The following PDE1C variants were observed in gnomAD, a reference collection of about 807,000 sequenced individuals.
PDE1C encodes dual specificity calcium/calmodulin-dependent 3',5'-cyclic nucleotide phosphodiesterase 1C.
Under a neutral mutation model 93.1 loss-of-function variants are expected in PDE1C, and 62 were observed. The ratio of observed to expected loss-of-function variants is 0.67; its 90% CI spans 0.54 to 0.82. The LOEUF (loss-of-function observed/expected upper bound fraction) is 0.82, where lower values mean the gene tolerates loss of function less well. PDE1C is among the 40% of genes least tolerant of loss of function. The pLI, the probability that PDE1C is intolerant of heterozygous loss-of-function variation, is 0.00. For missense variants in PDE1C, 742 were observed against 884.6 expected (o/e 0.84, Z 2.04); for synonymous variants, 325 against 310.1 (o/e 1.05, Z -0.50).
At chr7:31,697,294 C>A in the PDE1C span, among the ~76,000 whole-genome samples, 1 of 152,140 alleles carries the variant, frequency 6.6e-6, no homozygotes, top group Non-Finnish European at 1.5e-5. Context: ...CTACTAGTAG[C>A]TCCCCAGGGG....
At chr7:31,762,591 C>T (rs1281758019) in intron 17 of PDE1C, among the ~76,000 whole-genome samples, 5 of 152,124 alleles carry the variant, frequency 3.3e-5, no homozygotes, top group East Asian at 3.9e-4. Context: ...CTGCCCATCT[C>T]GGCCTCCCAA....
intron 17 of PDE1C, among the ~76,000 whole-genome samples, chr7:31,769,691 A>T (rs1443101533): frequency 6.6e-6 from 1 of 152,146 alleles, no homozygotes; most frequent in Non-Finnish European, 1.5e-5. Context: ...CACAACCATC[A>T]CCACTGTTTA....
At chr7:32,204,288 C>T (rs1027084780) in intron 2 of PDE1C, among the ~76,000 whole-genome samples, 6 of 152,214 alleles carry the variant, frequency 3.9e-5, no homozygotes, top group Admixed American at 3.9e-4. Flanking sequence ...CATTTCATAT[C>T]TTCAGACCGC....
At chr7:32,166,355 A>G (rs796566580) in intron 3 of PDE1C, among the ~76,000 whole-genome samples, 4 of 152,308 alleles carry the variant, frequency 2.6e-5, no homozygotes, top group African/African-American at 9.6e-5. Context: ...AGTAAAGACT[A>G]AAGCCCTTGG....
At chr7:31,794,037 T>TAGACAGAC (rs1554335933) in intron 16 of PDE1C, among the ~76,000 whole-genome samples, 144 of 105,794 alleles carry the variant, frequency 1.4e-3, no homozygotes, top group Middle Eastern at 4.7e-3. Context: ...GATAGATAGA[T>TAGACAGAC]AGATAGACAG....
chr7:31,736,929 C>T, the PDE1C span, among the ~76,000 whole-genome samples: 1 of 151,906 alleles, frequency 6.6e-6, no homozygotes, highest in African/African-American at 2.4e-5. Context: ...ATTATAACAA[C>T]TCTTCTAATT....
At chr7:32,033,413 G>A (rs1790598634) in intron 2 of PDE1C, among the ~76,000 whole-genome samples, 1 of 152,118 alleles carries the variant, frequency 6.6e-6, no homozygotes, top group South Asian at 2.1e-4. Flanking sequence ...GAGCATCAAA[G>A]GAGCGCAATT....
rs746042793 is a variant in PDE1C, at chr7:31,815,974, C to T, written c.1763G>A (p.Arg588His). The change falls in exon 15 of 18, where the codon CGT (arginine) becomes CAT (histidine). Residue 588 changes from arginine to histidine, a missense_variant. Transcript: ENST00000396191. Reference sequence around the variant, plus strand: ...CTTCTCGGCTTTGGAGTTTTTCCCACGAGGGTTGTCACTTTTGTTTGCCCG... The same window carrying T: ...CTTCTCGGCTTTGGAGTTTTTCCCATGAGGGTTGTCACTTTTGTTTGCCCG... The part of the protein sequence containing the change: ...GTRANKSDNP[R>H]GKNSKAEKSS... The T allele has an allele frequency of 2.7e-5, 44 of 1,613,836 alleles. No individual in the cohort carries two copies. Among genetic ancestry groups the T allele is most frequent in the Non-Finnish European group, 3.4e-5 (40 of 1,179,910 alleles).
intron 2 of PDE1C, among the ~76,000 whole-genome samples, chr7:32,185,395 T>C (rs1803786421): frequency 6.6e-6 from 1 of 152,212 alleles, no homozygotes; most frequent in South Asian, 2.1e-4. Context: ...GTTTCCATTC[T>C]AGCCTTTAGT....
At chr7:32,066,279 G>A (rs1795394190) in intron 1 of PDE1C, among the ~76,000 whole-genome samples, 1 of 152,136 alleles carries the variant, frequency 6.6e-6, no homozygotes, top group Admixed American at 6.5e-5. Context: ...TAGTAAGGTG[G>A]ATGGGAAGCT....
chr7:31,849,539 A>T (rs1793064046), intron 8 of PDE1C, among the ~76,000 whole-genome samples: 2 of 152,182 alleles, frequency 1.3e-5, no homozygotes, highest in Admixed American at 1.3e-4. Context: ...CTGAACAGAG[A>T]TCAGACAATA....
chr7:32,204,029 T>C lies in PDE1C; in HGVS notation c.136+5460A>G, dbSNP rs78051214. Among the ~76,000 whole-genome samples the C allele has an allele frequency of 4.3e-3, 657 of 152,310 alleles. 7 individuals are homozygous for C. Among genetic ancestry groups the C allele is most frequent in the African/African-American group, 0.015 (626 of 41,570 alleles). On this transcript the variant is annotated intron_variant, in intron 2 of 18. Coordinates refer to the PDE1C transcript ENST00000396193. ...TTGCCAGCATCAGTACTCTTGCACTTTTTACTAAGTGCACTTAGAAATTGC... is the reference window on the plus strand; with the variant it reads ...TTGCCAGCATCAGTACTCTTGCACTCTTTACTAAGTGCACTTAGAAATTGC...
At chr7:31,652,532 C>T in the PDE1C span, 1 of 1,599,732 alleles carries the variant, frequency 6.3e-7, no homozygotes, top group Non-Finnish European at 8.5e-7. Context: ...TGGAGGTTCT[C>T]ACAGCAGAGC....
chr7:32,178,455 G>A (rs939213246), intron 2 of PDE1C, among the ~76,000 whole-genome samples: 4 of 152,212 alleles, frequency 2.6e-5, no homozygotes, highest in African/African-American at 9.6e-5. Context: ...TTAAGCTGAT[G>A]TTGAAAGCAT....
intron 3 of PDE1C, among the ~76,000 whole-genome samples, chr7:32,104,633 T>C (rs1798207277): frequency 6.6e-6 from 1 of 152,096 alleles, no homozygotes; most frequent in African/African-American, 2.4e-5. Context: ...ATAATGTAAA[T>C]ACACTGGGAG....
At chr7:31,696,972 T>C in the PDE1C span, 1 of 1,614,038 alleles carries the variant, frequency 6.2e-7, no homozygotes, top group Non-Finnish European at 8.5e-7. Context: ...CAGGTGTGTT[T>C]TCAGAACATT....
intron 2 of PDE1C, among the ~76,000 whole-genome samples, chr7:32,000,129 C>T (rs896550162): frequency 1.3e-4 from 20 of 152,110 alleles, no homozygotes; most frequent in African/African-American, 4.3e-4. Flanking sequence ...GTTATGGTGA[C>T]GTCCGGCAGT....
Position 32,098,397 on chromosome 7 carries a change from A to G in PDE1C, c.308+71388T>C, listed in dbSNP as rs991866971. Among the ~76,000 whole-genome samples the G allele has an allele frequency of 2.6e-5, 4 of 152,128 alleles. No individual in the cohort carries two copies. In the East Asian group the frequency reaches 7.7e-4, roughly 29 times the overall value. ...TTCTCTTTAAGGACAGAGAAATCAT[A>G]TAAGTGATTATATTTGTCCTTCATT... On this transcript the variant is annotated intron_variant, in intron 3 of 18. Transcript: ENST00000396193.
intron 1 of PDE1C, among the ~76,000 whole-genome samples, chr7:32,061,043 TTAA>T (rs1311146184): frequency 4.6e-5 from 7 of 152,226 alleles, no homozygotes; most frequent in Admixed American, 4.6e-4. Context: ...CTTTCAAAGA[TTAA>T]TCTTTCACTT....
Sources: allele counts gnomAD v4.1 joint callset (sites outside exome capture counted in the v4.1 genomes callset), GRCh38; gene constraint gnomAD v4.1.1; transcripts MANE v1.5; gene names NCBI Gene and HGNC (gene_info 2026-07-23, HGNC 2026-07-21).